NRG3: variants seen among roughly 807,000 people sequenced by gnomAD.
The protein encoded by NRG3 is pro-neuregulin-3, membrane-bound isoform.
NRG3 carries 31 observed loss-of-function variants against 66.9 expected under a neutral mutation model. That is an observed-to-expected ratio of 0.46 (90% CI 0.35 to 0.63). NRG3 has a LOEUF of 0.63. NRG3 is among the 20% of genes least tolerant of loss of function. The pLI, the probability that NRG3 is intolerant of heterozygous loss-of-function variation, is 0.00. For missense variants in NRG3, 910 were observed against 878.9 expected, an observed-to-expected ratio of 1.04 and a Z score of -0.45; for synonymous variants, 393 against 359.4, an observed-to-expected ratio of 1.09 and a Z score of -1.06.
intron 1 of NRG3, among the ~76,000 whole-genome samples, chr10:82,167,810 G>T (rs562342970): frequency 2.4e-4 from 37 of 152,030 alleles, no homozygotes; most frequent in African/African-American, 8.2e-4. Context: ...AATACATAAA[G>T]ATTATTGAAT....
At chr10:82,173,758 C>T (rs2072818549) in intron 1 of NRG3, among the ~76,000 whole-genome samples, 1 of 151,728 alleles carries the variant, frequency 6.6e-6, no homozygotes, top group African/African-American at 2.4e-5. Flanking sequence ...AAGATCAACA[C>T]TTACGTACAC....
intron 1 of NRG3, among the ~76,000 whole-genome samples, chr10:82,076,260 C>T (rs761026851): frequency 8.5e-5 from 13 of 152,126 alleles, no homozygotes; most frequent in Non-Finnish European, 1.5e-4. Flanking sequence ...CTGTGTCCCG[C>T]GTAACTGTAG....
chr10:82,970,077 G>T (rs183897560), intron 6 of NRG3, among the ~76,000 whole-genome samples: 1 of 151,236 alleles, frequency 6.6e-6, no homozygotes, highest in Non-Finnish European at 1.5e-5. Flanking sequence ...GTTTATTTCC[G>T]TTTCGTTATG....
At chr10:81,916,491 TA>T (rs1845721827) in intron 1 of NRG3, among the ~76,000 whole-genome samples, 1 of 152,208 alleles carries the variant, frequency 6.6e-6, no homozygotes, top group Non-Finnish European at 1.5e-5. Context: ...AAGTTACAAT[TA>T]TAGGCTAGGT....
chr10:82,547,507 ATATT>A (rs1202482286), intron 2 of NRG3, among the ~76,000 whole-genome samples: 1 of 151,022 alleles, frequency 6.6e-6, no homozygotes, highest in South Asian at 2.1e-4. Context: ...GTGTATATAT[ATATT>A]CCATATATAG....
intron 3 of NRG3, among the ~76,000 whole-genome samples, chr10:82,807,124 T>G (rs2061322230): frequency 6.6e-6 from 1 of 152,216 alleles, no homozygotes; most frequent in Admixed American, 6.5e-5. Flanking sequence ...TTTCCAAATG[T>G]TTGCAATATC....
At chr10:82,731,411 A>G (rs1444251320) in intron 2 of NRG3, among the ~76,000 whole-genome samples, 1 of 151,506 alleles carries the variant, frequency 6.6e-6, no homozygotes, top group Non-Finnish European at 1.5e-5. Context: ...TCTTTGACCA[A>G]TATTTATCCA....
intron 2 of NRG3, among the ~76,000 whole-genome samples, chr10:82,513,522 C>T (rs1845387325): frequency 6.6e-6 from 1 of 152,220 alleles, no homozygotes; most frequent in Non-Finnish European, 1.5e-5. Context: ...GGAGTCTCCA[C>T]ACTGTCTTTC....
chr10:82,845,632 A>T (rs2063276710), intron 3 of NRG3, among the ~76,000 whole-genome samples: 1 of 152,240 alleles, frequency 6.6e-6, no homozygotes, highest in Non-Finnish European at 1.5e-5. Flanking sequence ...AAGGAAAAAA[A>T]ACAAACAGAA....
At chr10:82,747,225 A>G (rs1250374641) in intron 3 of NRG3, among the ~76,000 whole-genome samples, 1 of 151,994 alleles carries the variant, frequency 6.6e-6, no homozygotes, top group African/African-American at 2.4e-5. Context: ...ATTCTTTTAT[A>G]TTCTTTTATA....
At chr10:82,177,201 C>A (rs533486304) in intron 1 of NRG3, among the ~76,000 whole-genome samples, 8 of 152,056 alleles carry the variant, frequency 5.3e-5, no homozygotes, top group Admixed American at 6.6e-5. Context: ...CCCTTTATTA[C>A]ATTTACTGTA....
intron 1 of NRG3, among the ~76,000 whole-genome samples, chr10:82,039,665 C>A (rs1022546257): frequency 6.6e-6 from 1 of 152,080 alleles, no homozygotes; most frequent in Non-Finnish European, 1.5e-5. Context: ...TCCATCAGCT[C>A]CCTTGAGATA....
At chr10:82,326,351 C>T (rs2081871102) in intron 1 of NRG3, among the ~76,000 whole-genome samples, 1 of 152,030 alleles carries the variant, frequency 6.6e-6, no homozygotes, top group Non-Finnish European at 1.5e-5. Flanking sequence ...CAATTTATTG[C>T]TGTAAAAAGT....
At position 82,985,085 on chromosome 10, in the gene NRG3, G is replaced by A; in HGVS notation, c.1584-13G>A. ...TAGAAAGCAGAAGGAGTAACACTGT[G>A]TTTCTTTTTCAGGTATTCATCCAGT... On this transcript the variant is annotated splice_polypyrimidine_tract_variant and intron_variant, in intron 8 of 8. Coordinates refer to ENST00000372141, the MANE Select transcript of NRG3 (RefSeq NM_001010848.4). 3 of 1,610,926 alleles carry A rather than the reference G, an allele frequency of 1.9e-6. No homozygotes were observed. The highest frequency in any genetic ancestry group is 2.5e-6 in the Non-Finnish European group (3 of 1,178,434).
chr10:82,859,411 C>T (rs1364250158), intron 3 of NRG3, among the ~76,000 whole-genome samples: 3 of 152,106 alleles, frequency 2.0e-5, no homozygotes, highest in Non-Finnish European at 4.4e-5. Flanking sequence ...CACATTGTGT[C>T]GCTTTGTCCC....
chr10:81,965,623 T>C (rs946442165), intron 1 of NRG3, among the ~76,000 whole-genome samples: 1 of 151,850 alleles, frequency 6.6e-6, no homozygotes. Context: ...ATTTTGTCCT[T>C]GCTCATTATT....
chr10:82,537,920 C>A (rs2043271583), intron 2 of NRG3, among the ~76,000 whole-genome samples: 1 of 152,120 alleles, frequency 6.6e-6, no homozygotes, highest in African/African-American at 2.4e-5. Flanking sequence ...AAATGAGAAG[C>A]AGCAGTGTTG....
intron 1 of NRG3, among the ~76,000 whole-genome samples, chr10:82,017,248 T>C (rs1236047424): frequency 6.6e-6 from 1 of 152,206 alleles, no homozygotes; most frequent in East Asian, 1.9e-4. Flanking sequence ...TCCATGTCCC[T>C]ACAAAGGACA....
chr10:82,066,388 A>G (rs941700542), intron 1 of NRG3, among the ~76,000 whole-genome samples: 1 of 152,128 alleles, frequency 6.6e-6, no homozygotes, highest in Non-Finnish European at 1.5e-5. Context: ...CACTCTGTCT[A>G]TCAGTAAATT....
Sources: gnomAD v4.1 joint callset for allele counts (sites outside exome capture counted in the v4.1 genomes callset) on GRCh38, gnomAD v4.1.1 for gene constraint, MANE v1.5 for transcripts, NCBI Gene and HGNC (gene_info 2026-07-23, HGNC 2026-07-21) for gene names.